The following CLVS1 variants were observed in gnomAD, a reference collection of about 807,000 sequenced individuals.
CLVS1 encodes clavesin-1.
A neutral mutation model predicts 33.1 loss-of-function variants in CLVS1; 10 were observed. The ratio of observed to expected loss-of-function variants is 0.30; its 90% CI spans 0.19 to 0.51. The LOEUF is 0.51. Ranked by LOEUF, CLVS1 falls within the 20% of genes least tolerant of loss-of-function variation. CLVS1 has a pLI of 0.97. For synonymous variants in CLVS1, 163 were observed against 166.1 expected, an observed-to-expected ratio of 0.98 and a Z score of 0.14; for missense variants, 343 against 433.4, an observed-to-expected ratio of 0.79 and a Z score of 1.85.
chr8:61,056,149 C>T (rs1275901204), upstream of CLVS1, among the ~76,000 whole-genome samples: 1 of 152,180 alleles, frequency 6.6e-6, no homozygotes, highest in Non-Finnish European at 1.5e-5. Flanking sequence ...TGGCCATGTG[C>T]CCAGGGTCTG....
At chr8:61,177,399 C>T (rs1807134595) in intron 2 of CLVS1, among the ~76,000 whole-genome samples, 1 of 152,200 alleles carries the variant, frequency 6.6e-6, no homozygotes, top group African/African-American at 2.4e-5. Context: ...TTAGTCTTTC[C>T]TTCTGCTAGC....
intron 2 of CLVS1, among the ~76,000 whole-genome samples, chr8:61,150,152 C>T (rs1806500263): frequency 1.5e-5 from 2 of 137,474 alleles, no homozygotes; most frequent in Non-Finnish European, 1.6e-5. Flanking sequence ...GGGATGGACT[C>T]GACCTGGTGC....
rs76991261 is a variant in CLVS1 at position 61,457,302 on chromosome 8, T to A, written c.742-1005T>A. ...GCATGCATGTGTGTATACCTGATGA[T>A]CCTATACTTGGGTGCACCTTATGTG... On this transcript the variant is annotated intron_variant, in intron 4 of 5. Transcript: ENST00000325897. Among the ~76,000 whole-genome samples, 1,304 of 152,248 alleles carry A rather than the reference T, an allele frequency of 8.6e-3. 11 individuals are homozygous for A. The highest frequency in any genetic ancestry group is 0.014 in the Non-Finnish European group (968 of 68,022).
intron 1 of CLVS1, among the ~76,000 whole-genome samples, chr8:61,106,454 A>C (rs1805540368): frequency 2.0e-5 from 3 of 152,232 alleles, no homozygotes; most frequent in Admixed American, 2.0e-4. Flanking sequence ...GGGACGGAAA[A>C]ACAATCCTGG....
chr8:61,363,704 T>C (rs970553729), intron 2 of CLVS1, among the ~76,000 whole-genome samples: 1 of 152,214 alleles, frequency 6.6e-6, no homozygotes, highest in Non-Finnish European at 1.5e-5. Flanking sequence ...CTATGTTTGT[T>C]CTTTTGTGAA....
At chr8:61,284,360 A>T (rs545208975), upstream of CLVS1, among the ~76,000 whole-genome samples, 107 of 152,240 alleles carry the variant, frequency 7.0e-4, 2 homozygotes, top group Non-Finnish European at 8.7e-4. Context: ...AATAGCTAGA[A>T]AAGAGGTTAT....
At chr8:61,342,843 A>G (rs1812072924) in intron 2 of CLVS1, among the ~76,000 whole-genome samples, 1 of 152,230 alleles carries the variant, frequency 6.6e-6, no homozygotes, top group Admixed American at 6.5e-5. Flanking sequence ...ATGTAATTAT[A>G]ATGTGTTATA....
chr8:61,343,611 C>A (rs1213381205), intron 2 of CLVS1, among the ~76,000 whole-genome samples: 2 of 152,104 alleles, frequency 1.3e-5, no homozygotes, highest in African/African-American at 4.8e-5. Context: ...GGATTAGAAA[C>A]CTAAGACACA....
intron 2 of CLVS1, among the ~76,000 whole-genome samples, chr8:61,327,952 T>C (rs530278969): frequency 6.6e-6 from 1 of 152,318 alleles, no homozygotes; most frequent in African/African-American, 2.4e-5. Context: ...AAGACATGCA[T>C]TGTTTAATTA....
At chr8:61,235,786 G>A (rs552571515) in intron 2 of CLVS1, among the ~76,000 whole-genome samples, 1 of 152,294 alleles carries the variant, frequency 6.6e-6, no homozygotes, top group South Asian at 2.1e-4. Flanking sequence ...CTGTTCTGAG[G>A]TTAAGACAGA....
At chr8:61,356,369 G>C (rs1405550907) in intron 2 of CLVS1, among the ~76,000 whole-genome samples, 1 of 152,082 alleles carries the variant, frequency 6.6e-6, no homozygotes, top group South Asian at 2.1e-4. Context: ...TAGGTTGCCT[G>C]TTCACTCTGA....
intron 2 of CLVS1, among the ~76,000 whole-genome samples, chr8:61,139,757 G>T (rs566727698): frequency 1.3e-5 from 2 of 152,258 alleles, no homozygotes; most frequent in African/African-American, 4.8e-5. Flanking sequence ...CAGGAGGGCT[G>T]GGGGGGATGT....
intron 2 of CLVS1, among the ~76,000 whole-genome samples, chr8:61,351,925 G>C (rs533304894): frequency 3.5e-4 from 40 of 113,042 alleles, no homozygotes; most frequent in African/African-American, 1.2e-3. Flanking sequence ...ACCCTTAAAA[G>C]CCGGCAAAGA....
At chr8:61,443,009 G>GTACTTATT (rs1333523569) in intron 3 of CLVS1, among the ~76,000 whole-genome samples, 1 of 152,070 alleles carries the variant, frequency 6.6e-6, no homozygotes, top group African/African-American at 2.4e-5. Context: ...ATCTTCTCAT[G>GTACTTATT]TACTTATTTG....
intron 1 of CLVS1, among the ~76,000 whole-genome samples, chr8:61,068,673 T>A (rs1343544556): frequency 6.6e-6 from 1 of 152,114 alleles, no homozygotes; most frequent in African/African-American, 2.4e-5. Flanking sequence ...TTCTACAATT[T>A]ACCTACACCC....
intron 2 of CLVS1, among the ~76,000 whole-genome samples, chr8:61,353,844 G>C (rs952520082): frequency 1.3e-5 from 2 of 151,388 alleles, no homozygotes; most frequent in Non-Finnish European, 2.9e-5. Flanking sequence ...CCTCTAGCTA[G>C]ACTGACAATA....
the CLVS1 span, among the ~76,000 whole-genome samples, chr8:61,034,562 C>T: frequency 6.4e-3 from 980 of 152,222 alleles, 5 homozygotes; most frequent in African/African-American, 0.021. Context: ...CACCATTCCC[C>T]TCTCTGCTTG....
At chr8:61,287,902 T>A, upstream of CLVS1, 1 of 351,450 alleles carries the variant, frequency 2.8e-6, no homozygotes, top group Non-Finnish European at 5.6e-6. Context: ...AGGGTTGTGG[T>A]ACGGAGGCAT....
intron 2 of CLVS1, among the ~76,000 whole-genome samples, chr8:61,221,252 T>A (rs1808210396): frequency 6.6e-6 from 1 of 152,158 alleles, no homozygotes; most frequent in Non-Finnish European, 1.5e-5. Context: ...GGGCATCCTT[T>A]TCTTGTGCCG....
Sources: gnomAD v4.1 joint callset for allele counts (sites outside exome capture counted in the v4.1 genomes callset) on GRCh38, gnomAD v4.1.1 for gene constraint, MANE v1.5 for transcripts, NCBI Gene and HGNC (gene_info 2026-07-23, HGNC 2026-07-21) for gene names.